PYROXD1: variants seen among roughly 807,000 people sequenced by gnomAD.
PYROXD1 encodes the protein pyridine nucleotide-disulphide oxidoreductase domain 1, also known as tRNA ligase complex-associated NAD(P)H dehydrogenase PYROXD1.
Under a neutral mutation model 62.0 loss-of-function variants are expected in PYROXD1, and 42 were observed. That is an observed-to-expected ratio of 0.68 (90% CI 0.53 to 0.88). The LOEUF (loss-of-function observed/expected upper bound fraction) is 0.88, where lower values mean the gene tolerates loss of function less well. Among genes scored for constraint, PYROXD1 ranks in the 40% least tolerant of loss-of-function variants. The pLI is 0.00. For missense variants in PYROXD1, 493 were observed against 604.8 expected, an observed-to-expected ratio of 0.82 and a Z score of 1.94; for synonymous variants, 170 against 206.4, an observed-to-expected ratio of 0.82 and a Z score of 1.51.
At chr12:21,460,055 G>A (rs1169721908) in intron 7 of PYROXD1, among the ~76,000 whole-genome samples, 1 of 152,128 alleles carries the variant, frequency 6.6e-6, no homozygotes, top group Non-Finnish European at 1.5e-5. Flanking sequence ...TTGTTAAAGG[G>A]CTGTGAAATC....
intron 2 of PYROXD1, among the ~76,000 whole-genome samples, chr12:21,445,062 T>C (rs1215609795): frequency 6.6e-6 from 1 of 152,178 alleles, no homozygotes; most frequent in African/African-American, 2.4e-5. Context: ...GGCTAAACTG[T>C]AGAAATGTAA....
rs745924638 is a variant in PYROXD1 at position 21,462,131 on chromosome 12, AT to A, written c.993+18del. Reference sequence around the variant, plus strand: ...CTCCATGGTAACAGTGTAAGGTGAAATTTTTTTGTCCAGCTGTGAATATATT... The same window carrying A: ...CTCCATGGTAACAGTGTAAGGTGAAATTTTTTGTCCAGCTGTGAATATATT... On this transcript the variant is annotated intron_variant, in intron 9 of 11. Transcript: ENST00000240651. 8 of 1,526,562 alleles carry A rather than the reference AT, an allele frequency of 5.2e-6. No homozygotes were observed. The highest frequency in any genetic ancestry group is 1.1e-5 in the South Asian group (1 of 87,888). 94.6% of individuals were successfully genotyped at this position (1,526,562 alleles called of 1,614,324 possible). A position where few individuals can be genotyped will look rare whatever the true frequency, so the allele number is the denominator to read the frequency against.
At chr12:21,462,335 G>A (rs965825191) in intron 9 of PYROXD1, among the ~76,000 whole-genome samples, 1 of 152,070 alleles carries the variant, frequency 6.6e-6, no homozygotes, top group African/African-American at 2.4e-5. Context: ...CATCAGTAAT[G>A]GTTTATAATG....
At chr12:21,464,818 T>C (rs922264705) in intron 10 of PYROXD1, among the ~76,000 whole-genome samples, 6 of 151,900 alleles carry the variant, frequency 3.9e-5, no homozygotes, top group Non-Finnish European at 8.8e-5. Context: ...GTTGGTGTGC[T>C]GCACCCCCAC....
Position 21,469,390 on chromosome 12 carries a change from G to A in PYROXD1, c.*636G>A, listed in dbSNP as rs963024528. ...TTTCTTGCAATTTTTTTTTTTTTAA[G>A]CTCATCAGCTATCGTCAGTGTTAGC... On this transcript the variant is annotated 3_prime_UTR_variant, in exon 12 of 12. Transcript: ENST00000240651. The A allele has an allele frequency of 3.3e-5, 5 of 149,778 alleles. No homozygotes were observed. Among genetic ancestry groups the A allele is most frequent in the Non-Finnish European group, 7.4e-5 (5 of 67,642 alleles). 9.3% of individuals were successfully genotyped at this position (149,778 alleles called of 1,614,324 possible).
At chr12:21,465,599 T>C (rs1029495833) in intron 10 of PYROXD1, among the ~76,000 whole-genome samples, 3 of 152,070 alleles carry the variant, frequency 2.0e-5, no homozygotes, top group African/African-American at 4.8e-5. Context: ...GCAAAAATTT[T>C]CTCCCATTCT....
rs377557067 is a variant in PYROXD1 at position 21,446,146 on chromosome 12, C to A, written c.285+680C>A. On this transcript the variant is annotated intron_variant, in intron 3 of 11. Coordinates refer to ENST00000240651, the MANE Select transcript of PYROXD1 (RefSeq NM_024854.5). ...ACACTATAAGAAGTTGAGTTTGGGC[C>A]GGTGCGTTGGCTCACGCCTGTAATC... is the stretch of plus-strand genomic sequence containing the variant. Among the ~76,000 whole-genome samples, 4 of 152,204 alleles carry A rather than the reference C, an allele frequency of 2.6e-5. No individual in the cohort carries two copies. The South Asian group carries it at 8.3e-4, about 32-fold the overall frequency.
At chr12:21,460,863 G>A in intron 7 of PYROXD1, 162 bp from the exon 8 acceptor site, 1 of 421,168 alleles carries the variant, frequency 2.4e-6, no homozygotes, top group Non-Finnish European at 4.2e-6. Flanking sequence ...CCTTTCATGT[G>A]CATAGAGAGA....
intron 3 of PYROXD1, among the ~76,000 whole-genome samples, chr12:21,448,636 C>T (rs1942436608): frequency 1.3e-5 from 2 of 152,288 alleles, no homozygotes; most frequent in East Asian, 1.9e-4. Context: ...ATAAATGTCT[C>T]ATTGGATGTT....
intron 1 of PYROXD1, among the ~76,000 whole-genome samples, chr12:21,440,048 T>A (rs941778961): frequency 1.3e-4 from 20 of 152,174 alleles, no homozygotes; most frequent in African/African-American, 4.8e-4. Flanking sequence ...TTTATTCTCA[T>A]CCTCTGCATT....
intron 10 of PYROXD1, among the ~76,000 whole-genome samples, chr12:21,464,897 C>T (rs1565555442): frequency 6.6e-6 from 1 of 152,122 alleles, no homozygotes; most frequent in Non-Finnish European, 1.5e-5. Flanking sequence ...TCAGTTCCCA[C>T]CTATGAGTGA....
At position 21,462,005 on chromosome 12, in the gene PYROXD1, A is replaced by ATT. The variant is rs1942706603; in HGVS notation, c.881-3_881-2insTT. The ATT allele has an allele frequency of 2.5e-6, 4 of 1,597,768 alleles. No homozygotes were observed. Among genetic ancestry groups the ATT allele is most frequent in the Non-Finnish European group, 2.6e-6 (3 of 1,170,056 alleles). ...CTGTTTTTTTGGTTTTTTTTTCTTA[A>ATT]AGAGATGTGGCCTGTCTATGTGGAA... On this transcript the variant is annotated splice_region_variant and splice_polypyrimidine_tract_variant and intron_variant, in intron 8 of 11. Transcript: ENST00000240651.
chr12:21,468,284 C>T (rs1188316950), intron 11 of PYROXD1, among the ~76,000 whole-genome samples: 1 of 151,932 alleles, frequency 6.6e-6, no homozygotes, highest in Non-Finnish European at 1.5e-5. Context: ...ACTATATTCA[C>T]CAGAATTTTT....
intron 11 of PYROXD1, among the ~76,000 whole-genome samples, chr12:21,467,876 G>T (rs1253159109): frequency 6.6e-6 from 1 of 151,760 alleles, no homozygotes; most frequent in African/African-American, 2.4e-5. Flanking sequence ...GTTACTTGTT[G>T]GTGCATTTTT....
rs1223881222 is a variant in PYROXD1 at position 21,445,397 on chromosome 12, G to A, written c.216G>A (p.Met72Ile). 4.3e-6 allele frequency: 7 copies of A among 1,610,522 alleles called. No homozygotes were observed. The highest frequency in any genetic ancestry group is 5.9e-6 in the Non-Finnish European group (7 of 1,178,924). ...EFDVEEQSST[M>I]LGKRFPNIKV... is the part of the protein sequence containing the mutation. ...ATGTTGAAGAACAATCAAGTACCAT[G>A]TTAGGAAAACGCTTTCCCAACATTA... Residue 72 changes from methionine to isoleucine, a missense_variant, in exon 3 of 12, where the codon ATG becomes ATA. Met to Ile is a conservative substitution (Grantham distance 10, BLOSUM62 1). Coordinates refer to ENST00000240651, the MANE Select transcript of PYROXD1 (RefSeq NM_024854.5).
chr12:21,451,405 G>A (rs1942495958), intron 4 of PYROXD1, among the ~76,000 whole-genome samples: 1 of 151,642 alleles, frequency 6.6e-6, no homozygotes, highest in South Asian at 2.1e-4. Context: ...TTTTCTGGGG[G>A]GTGGAGGCAT....
Position 21,449,563 on chromosome 12 carries a change from T to C in PYROXD1, c.286T>C (p.Cys96Arg), listed in dbSNP as rs764176593. 11 of 1,611,482 alleles carry C rather than the reference T, an allele frequency of 6.8e-6. No homozygotes were observed. Among genetic ancestry groups the C allele is most frequent in the Non-Finnish European group, 8.5e-6 (10 of 1,179,022 alleles). Residue 96 changes from cysteine (C) to arginine (R), a missense_variant and splice_region_variant, in exon 4 of 12, where the codon TGC becomes CGC. Around this residue, in one of 2 missense-constraint regions of PYROXD1, gnomAD observed 164 missense variants for 158.2 expected, o/e 1.04. Coordinates refer to ENST00000240651, the MANE Select transcript of PYROXD1 (RefSeq NM_024854.5). ...GVKQLKSEEH[C>R]IVTEDGNQHV... The stretch of plus-strand genomic sequence containing the variant: ...CTTTCATTGTTTGATGTATTTACAG[T>C]GCATTGTAACAGAAGATGGCAATCA...
At position 21,462,101 on chromosome 12, in the gene PYROXD1, CT is replaced by C; in HGVS notation, c.978del (p.Leu327SerfsTer8). On this transcript the variant is annotated frameshift_variant, in exon 9 of 12. Transcript: ENST00000240651. LOFTEE classifies it high-confidence loss of function. ...ACAGGAGTTACACCAAATGTAGAACCTTTTCTCCATGGTAACAGTGTAAGGT... is the reference window on the plus strand; with the variant it reads ...ACAGGAGTTACACCAAATGTAGAACCTTTCTCCATGGTAACAGTGTAAGGT... ...SATGVTPNVE[P>X]FLHGNSFDLG... 1 of 1,607,928 alleles carries C rather than the reference CT, an allele frequency of 6.2e-7. No individual in the cohort carries two copies. Among genetic ancestry groups the C allele is most frequent in the Non-Finnish European group, 8.5e-7 (1 of 1,174,990 alleles).
chr12:21,446,844 G>A (rs959331454), intron 3 of PYROXD1, among the ~76,000 whole-genome samples: 3 of 152,068 alleles, frequency 2.0e-5, no homozygotes, highest in Non-Finnish European at 4.4e-5. Flanking sequence ...GAGCCTGGGA[G>A]TTCAAGGCTG....
Sources: allele counts gnomAD v4.1 joint callset (sites outside exome capture counted in the v4.1 genomes callset), GRCh38; gene constraint gnomAD v4.1.1; regional missense constraint gnomAD v4.1.1; transcripts MANE v1.5; gene names NCBI Gene and HGNC (gene_info 2026-07-23, HGNC 2026-07-21).